The following SEMA3A variants were observed in gnomAD, a reference collection of about 807,000 sequenced individuals.
SEMA3A encodes semaphorin 3A.
A neutral mutation model predicts 97.9 loss-of-function variants in SEMA3A; 29 were observed. The ratio of observed to expected loss-of-function variants is 0.30; its 90% CI spans 0.22 to 0.40. SEMA3A has a LOEUF of 0.40. SEMA3A is among the 10% of genes least tolerant of loss of function. The pLI, the probability that SEMA3A is intolerant of heterozygous loss-of-function variation, is 1.00. For missense variants in SEMA3A, 763 were observed against 951.3 expected (o/e 0.80, Z 2.60); for synonymous variants, 321 against 323.7 (o/e 0.99, Z 0.09).
intron 1 of SEMA3A, among the ~76,000 whole-genome samples, chr7:84,191,395 T>C (rs559784681): frequency 6.6e-6 from 1 of 151,826 alleles, no homozygotes; most frequent in African/African-American, 2.4e-5. Context: ...TGCATGTGTC[T>C]TTGATTTCTA....
intron 1 of SEMA3A, among the ~76,000 whole-genome samples, chr7:84,388,372 G>C (rs1006485907): frequency 6.6e-6 from 1 of 151,978 alleles, no homozygotes; most frequent in African/African-American, 2.4e-5. Context: ...AAGACTCAAA[G>C]AATTATAGGT....
intron 4 of SEMA3A, among the ~76,000 whole-genome samples, chr7:84,085,731 T>G (rs1417617402): frequency 6.6e-6 from 1 of 152,194 alleles, no homozygotes; most frequent in Non-Finnish European, 1.5e-5. Context: ...CTTAACCTTT[T>G]AAAGTAAATG....
At chr7:84,110,693 CT>C (rs555689325) in intron 3 of SEMA3A, 104 bp from the exon 4 acceptor site, 52,035 of 1,022,072 alleles carry the variant, frequency 0.051, 1 homozygote, top group South Asian at 0.097. Context: ...TGTTTTCTTT[CT>C]TTTTTTTTTT....
intron 1 of SEMA3A, among the ~76,000 whole-genome samples, chr7:84,488,754 T>C (rs1192113876): frequency 6.6e-6 from 1 of 152,160 alleles, no homozygotes; most frequent in Non-Finnish European, 1.5e-5. Flanking sequence ...GGGTAAAGTA[T>C]TGAGTGATGT....
chr7:84,244,271 C>T (rs1229355153), intron 3 of SEMA3A, among the ~76,000 whole-genome samples: 1 of 152,120 alleles, frequency 6.6e-6, no homozygotes, highest in Non-Finnish European at 1.5e-5. Flanking sequence ...AGTCTGGGTG[C>T]TCCTGTATTG....
intron 3 of SEMA3A, among the ~76,000 whole-genome samples, chr7:84,227,449 G>GA (rs1221092227): frequency 6.6e-6 from 1 of 151,710 alleles, no homozygotes; most frequent in Non-Finnish European, 1.5e-5. Context: ...TGTGACAGTT[G>GA]AAAAAACAAA....
chr7:84,178,758 G>A (rs571608383), intron 1 of SEMA3A, among the ~76,000 whole-genome samples: 7 of 152,164 alleles, frequency 4.6e-5, no homozygotes, highest in Middle Eastern at 3.4e-3. Flanking sequence ...CTTTTGTGAC[G>A]TCCTTTGTTT....
At chr7:84,073,903 T>C (rs186809140) in intron 4 of SEMA3A, among the ~76,000 whole-genome samples, 68 of 147,304 alleles carry the variant, frequency 4.6e-4, no homozygotes, top group African/African-American at 1.5e-3. Flanking sequence ...AAGCAAATCA[T>C]ACATATGTTT....
Position 84,119,386 on chromosome 7 carries a change from G to A in SEMA3A, c.334-8797C>T, listed in dbSNP as rs867233511. Among the ~76,000 whole-genome samples, 25 of 152,230 alleles carry A rather than the reference G, an allele frequency of 1.6e-4. 1 individual carries two copies. The highest frequency in any genetic ancestry group is 6.0e-4 in the African/African-American group (25 of 41,552). ...CTAGAAATAGTGTCAAGTTTTCAGA[G>A]CTACCATAATTTTGCAGTCTGTTTT... On this transcript the variant is annotated intron_variant, in intron 3 of 16. Transcript: ENST00000265362.
intron 3 of SEMA3A, among the ~76,000 whole-genome samples, chr7:84,275,500 C>T (rs1461451431): frequency 2.0e-5 from 3 of 152,030 alleles, no homozygotes; most frequent in Admixed American, 6.6e-5. Flanking sequence ...CCTGACATTA[C>T]AGCTGAGTCA....
chr7:83,980,623 A>AAAAAAAATATAT (rs1310318006), intron 14 of SEMA3A, among the ~76,000 whole-genome samples: 42 of 71,736 alleles, frequency 5.9e-4, no homozygotes, highest in African/African-American at 3.2e-3. Flanking sequence ...AAAAAAAAAA[A>AAAAAAAATATAT]ATATATATAT....
At chr7:84,299,335 T>C (rs1321665227) in intron 3 of SEMA3A, among the ~76,000 whole-genome samples, 1 of 130,680 alleles carries the variant, frequency 7.7e-6, no homozygotes, top group Non-Finnish European at 1.7e-5. Context: ...TCCATATATA[T>C]GTATCTCTCT....
intron 1 of SEMA3A, among the ~76,000 whole-genome samples, chr7:84,168,564 C>A (rs1016479296): frequency 1.3e-5 from 2 of 151,748 alleles, no homozygotes; most frequent in Non-Finnish European, 3.0e-5. Context: ...ATAACTTCTA[C>A]AAATATAACT....
At chr7:84,324,141 G>A (rs73189039) in intron 2 of SEMA3A, among the ~76,000 whole-genome samples, 9,912 of 152,154 alleles carry the variant, frequency 0.065, 536 homozygotes, top group East Asian at 0.29. Flanking sequence ...TAAATTTTTG[G>A]CACAAAGTCA....
intron 3 of SEMA3A, among the ~76,000 whole-genome samples, chr7:84,117,334 C>T (rs1218858690): frequency 6.6e-6 from 1 of 152,114 alleles, no homozygotes; most frequent in Non-Finnish European, 1.5e-5. Flanking sequence ...TTCTCAAAAA[C>T]TTTAAGAAAA....
At chr7:84,335,954 A>C (rs571443540) in intron 2 of SEMA3A, among the ~76,000 whole-genome samples, 2 of 152,220 alleles carry the variant, frequency 1.3e-5, no homozygotes, top group Non-Finnish European at 2.9e-5. Flanking sequence ...TGTCTTCAAA[A>C]TCTGTCCATT....
chr7:84,170,735 T>A (rs1261358980), intron 1 of SEMA3A, among the ~76,000 whole-genome samples: 1 of 152,094 alleles, frequency 6.6e-6, no homozygotes, highest in Non-Finnish European at 1.5e-5. Context: ...TTGATCCTCA[T>A]GAAAAGCTCT....
At chr7:84,334,598 C>T (rs537151092) in intron 2 of SEMA3A, among the ~76,000 whole-genome samples, 10 of 152,016 alleles carry the variant, frequency 6.6e-5, no homozygotes, top group African/African-American at 1.4e-4. Context: ...TCCTGGCCCT[C>T]GCTTCTCACC....
chr7:84,472,323 C>G (rs1300765276), intron 1 of SEMA3A, among the ~76,000 whole-genome samples: 5 of 152,080 alleles, frequency 3.3e-5, no homozygotes, highest in Non-Finnish European at 7.4e-5. Flanking sequence ...AGACTTTGGT[C>G]TTTCATGGGA....
Sources: allele counts gnomAD v4.1 joint callset (sites outside exome capture counted in the v4.1 genomes callset), GRCh38; gene constraint gnomAD v4.1.1; transcripts MANE v1.5; gene names NCBI Gene and HGNC (gene_info 2026-07-23, HGNC 2026-07-21).